The following MUC22 variants were observed in gnomAD, a reference collection of about 807,000 sequenced individuals.
The protein encoded by MUC22 is mucin-22.
Under a neutral mutation model 40.3 loss-of-function variants are expected in MUC22, and 24 were observed. The observed-to-expected ratio is 0.60, with a 90% CI of 0.43 to 0.84. The LOEUF (loss-of-function observed/expected upper bound fraction) is 0.84, where lower values mean the gene tolerates loss of function less well. MUC22 is among the 40% of genes least tolerant of loss of function. MUC22 has a pLI of 0.00. For missense variants in MUC22, 1,926 were observed against 2,130.7 expected (o/e 0.90, Z 1.89); for synonymous variants, 765 against 844.5 (o/e 0.91, Z 1.63).
intron 1 of MUC22, among the ~76,000 whole-genome samples, chr6:31,015,916 A>G (rs1296317916): frequency 2.0e-5 from 3 of 152,006 alleles, no homozygotes; most frequent in African/African-American, 7.2e-5. Context: ...TGTCTTTCTG[A>G]AAAAATCTTA....
intron 1 of MUC22, among the ~76,000 whole-genome samples, chr6:31,014,397 A>C (rs1312907901): frequency 6.6e-6 from 1 of 152,112 alleles, no homozygotes; most frequent in Non-Finnish European, 1.5e-5. Context: ...TCCCATTTAG[A>C]AGCCTCTGTC....
At chr6:31,026,681 C>G in exon 2 of MUC22, 1 of 1,506,808 alleles carries the variant, frequency 6.6e-7, no homozygotes, top group Non-Finnish European at 8.9e-7. Context: ...TCTGAGACCA[C>G]TGCAGCCTCT....
upstream of MUC22, among the ~76,000 whole-genome samples, chr6:31,008,906 A>T (rs572086347): frequency 6.6e-6 from 1 of 152,282 alleles, no homozygotes; most frequent in East Asian, 1.9e-4. Context: ...GACAAAAATT[A>T]TATGTTTTCA....
At chr6:31,018,800 C>T (rs923747137) in intron 1 of MUC22, among the ~76,000 whole-genome samples, 2 of 152,262 alleles carry the variant, frequency 1.3e-5, no homozygotes, top group African/African-American at 4.8e-5. Flanking sequence ...CCATATTTTT[C>T]TAGAGCCTCT....
At chr6:31,034,677 C>T (rs892575103) in exon 4 of MUC22, 1 of 1,530,686 alleles carries the variant, frequency 6.5e-7, no homozygotes, top group Admixed American at 2.0e-5. Flanking sequence ...TTTAGAGAAA[C>T]CTTTTCTTCC....
exon 4 of MUC22, chr6:31,035,315 C>A: frequency 4.0e-6 from 1 of 248,990 alleles, no homozygotes; most frequent in Non-Finnish European, 7.6e-6. Context: ...CAACGTTTCT[C>A]ATCCCTGTGT....
intron 1 of MUC22, among the ~76,000 whole-genome samples, chr6:31,021,454 CTG>C (rs1480838710): frequency 6.6e-6 from 1 of 151,378 alleles, no homozygotes; most frequent in Non-Finnish European, 1.5e-5. Flanking sequence ...AATCAACACT[CTG>C]TATCTAGCTG....
At chr6:31,023,149 C>A (rs1424941979) in intron 1 of MUC22, among the ~76,000 whole-genome samples, 3 of 137,892 alleles carry the variant, frequency 2.2e-5, no homozygotes, top group Non-Finnish European at 3.2e-5. Flanking sequence ...AAACAAAAAA[C>A]AAAATACTGG....
At chr6:31,017,912 A>G (rs1013610488) in intron 1 of MUC22, among the ~76,000 whole-genome samples, 3 of 148,954 alleles carry the variant, frequency 2.0e-5, no homozygotes, top group Non-Finnish European at 3.0e-5. Context: ...GCTGCTGCTC[A>G]CTCTTTGAGT....
intron 1 of MUC22, among the ~76,000 whole-genome samples, chr6:31,018,664 T>G (rs1054126398): frequency 1.3e-5 from 2 of 152,236 alleles, no homozygotes; most frequent in African/African-American, 4.8e-5. Flanking sequence ...CCAATTGGGG[T>G]CTACCCCATC....
At chr6:31,017,717 CA>C (rs1472590004) in intron 1 of MUC22, among the ~76,000 whole-genome samples, 2 of 147,618 alleles carry the variant, frequency 1.4e-5, no homozygotes, top group Non-Finnish European at 3.0e-5. Context: ...AGCACCTTGT[CA>C]AAACAGACCA....
At chr6:31,013,367 T>C (rs1763982866) in intron 1 of MUC22, among the ~76,000 whole-genome samples, 1 of 151,764 alleles carries the variant, frequency 6.6e-6, no homozygotes, top group South Asian at 2.1e-4. Context: ...GCTCAGACAA[T>C]CTACCCACCT....
chr6:31,020,647 G>A (rs1363491024), intron 1 of MUC22, among the ~76,000 whole-genome samples: 2 of 152,088 alleles, frequency 1.3e-5, no homozygotes, highest in African/African-American at 2.4e-5. Flanking sequence ...TCAGCCCACC[G>A]CTGCACTGTG....
chr6:31,007,428 C>T (rs1223798803), upstream of MUC22, among the ~76,000 whole-genome samples: 2 of 152,278 alleles, frequency 1.3e-5, no homozygotes, highest in Non-Finnish European at 1.5e-5. This position sits in a 1 kb window ranked among gnomAD's most constrained non-coding sequence, Gnocchi z 4.0. Flanking sequence ...AAATCTTCTT[C>T]TTTTTGTTAC....
At position 31,030,037 on chromosome 6, in the gene MUC22, AC is replaced by A; in HGVS notation, c.4607del (p.Thr1536SerfsTer56). 6.5e-7 allele frequency: 1 copy of A among 1,535,600 alleles called. No individual in the cohort carries two copies. The highest frequency in any genetic ancestry group is 1.2e-5 in the South Asian group (1 of 84,022). ...AGCCTCCACCACTGTCTCTTCCACC[AC>A]GTTTGTACTCACCAAGGCCACTGAC... On this transcript the variant is annotated frameshift_variant, in exon 2 of 4. Coordinates refer to ENST00000561890, the Ensembl canonical transcript of MUC22. LOFTEE classifies it high-confidence loss of function.
exon 2 of MUC22, chr6:31,026,960 C>T: frequency 6.7e-7 from 1 of 1,494,378 alleles, no homozygotes; most frequent in Non-Finnish European, 8.9e-7. Flanking sequence ...GCAGCCTCTA[C>T]TGAAGATTCT....
chr6:31,016,700 G>A (rs1764227754), intron 1 of MUC22, among the ~76,000 whole-genome samples: 1 of 152,260 alleles, frequency 6.6e-6, no homozygotes, highest in African/African-American at 2.4e-5. Flanking sequence ...CTGCGCTTGA[G>A]GGGCCCTTCA....
rs549695058 is a variant in MUC22, at chr6:31,031,927, C to G, written c.4670-269C>G. On this transcript the variant is annotated intron_variant, in intron 2 of 3. Coordinates refer to ENST00000561890, the Ensembl canonical transcript of MUC22. ...AGATCTTCCACTTCTGAACCCATCG[C>G]GATAACGTTTCCTCAAACTTCTGCC... Among the ~76,000 whole-genome samples the G allele has an allele frequency of 1.2e-3, 189 of 152,250 alleles. 1 individual carries two copies. The highest frequency in any genetic ancestry group is 0.011 in the Admixed American group (172 of 15,274).
At chr6:31,020,432 G>A (rs967880877) in intron 1 of MUC22, among the ~76,000 whole-genome samples, 1 of 140,062 alleles carries the variant, frequency 7.1e-6, no homozygotes, top group Non-Finnish European at 1.5e-5. Flanking sequence ...CTTGCCTCCT[G>A]GAAATTGACT....
Sources: gnomAD v4.1 joint callset for allele counts (sites outside exome capture counted in the v4.1 genomes callset) on GRCh38, gnomAD v4.1.1 for gene constraint, Gnocchi (gnomAD v3.1) non-coding constraint, MANE v1.5 for transcripts, NCBI Gene and HGNC (gene_info 2026-07-23, HGNC 2026-07-21) for gene names.